SPECC1: variants seen among roughly 807,000 people sequenced by gnomAD.
SPECC1 encodes sperm antigen with calponin homology and coiled-coil domains 1, also known as cytospin-B.
Under a neutral mutation model 104.1 loss-of-function variants are expected in SPECC1, and 62 were observed. That is an observed-to-expected ratio of 0.60 (90% CI 0.49 to 0.74). The LOEUF (loss-of-function observed/expected upper bound fraction) is 0.74, where lower values mean the gene tolerates loss of function less well. SPECC1 is among the 30% of genes least tolerant of loss of function. SPECC1 has a pLI of 0.00. For synonymous variants in SPECC1, 513 were observed against 501.6 expected (o/e 1.02, Z -0.30); for missense variants, 1,306 against 1,310.5 (o/e 1.00, Z 0.05).
At chr17:20,300,584 T>C (rs2041541913) in intron 13 of SPECC1, among the ~76,000 whole-genome samples, 1 of 152,242 alleles carries the variant, frequency 6.6e-6, no homozygotes, top group Non-Finnish European at 1.5e-5. Flanking sequence ...TGGAAAATTA[T>C]GGACCTAAAA....
chr17:20,113,033 T>C (rs1272668774), intron 3 of SPECC1: 2 of 810,420 alleles, frequency 2.5e-6, no homozygotes, highest in African/African-American at 3.4e-5. Context: ...TGAAAATGTT[T>C]TCCTTATCAC....
At chr17:20,042,369 G>A (rs563069568) in intron 1 of SPECC1, among the ~76,000 whole-genome samples, 1 of 152,258 alleles carries the variant, frequency 6.6e-6, no homozygotes, top group Non-Finnish European at 1.5e-5. Flanking sequence ...GAAGAGGGAG[G>A]AAAGGTGGCC....
intron 12 of SPECC1, among the ~76,000 whole-genome samples, chr17:20,272,339 A>ATTT (rs35441010): frequency 4.0e-5 from 6 of 148,356 alleles, no homozygotes. Context: ...TTAATTTTGC[A>ATTT]TTTTTTTTTT....
intron 4 of SPECC1, among the ~76,000 whole-genome samples, chr17:20,215,042 C>A (rs1342159186): frequency 6.6e-6 from 1 of 152,254 alleles, no homozygotes; most frequent in African/African-American, 2.4e-5. Flanking sequence ...GGCCTGCAAG[C>A]CCAGGCTGCT....
Position 20,098,997 on chromosome 17 carries a change from G to A in SPECC1, c.147+2199G>A, listed in dbSNP as rs189694786. Among the ~76,000 whole-genome samples the A allele has an allele frequency of 1.8e-4, 27 of 152,284 alleles. No homozygotes were observed. In the East Asian group the frequency reaches 2.9e-3, roughly 16 times the overall value. On this transcript the variant is annotated intron_variant, in intron 2 of 14. Transcript: ENST00000395527. ...GATGGAACAAGAGGAGCTTGGGGGC[G>A]TGGGGCTGGCCTGAGTTGGAATCCT...
intron 12 of SPECC1, among the ~76,000 whole-genome samples, chr17:20,264,470 T>G (rs1332986827): frequency 4.0e-4 from 51 of 126,274 alleles, no homozygotes; most frequent in African/African-American, 1.5e-3. Context: ...TTTTTTTTTT[T>G]TTTTTTTTTT....
chr17:20,093,891 C>T (rs944826136), intron 1 of SPECC1, among the ~76,000 whole-genome samples: 3 of 151,640 alleles, frequency 2.0e-5, no homozygotes, highest in South Asian at 2.1e-4. Context: ...TCACCACGTC[C>T]CCCTAATTTT....
chr17:20,302,430 G>C (rs1480027971), intron 13 of SPECC1, among the ~76,000 whole-genome samples: 2 of 152,164 alleles, frequency 1.3e-5, no homozygotes, highest in East Asian at 3.9e-4. Context: ...CTGCTTGTCT[G>C]TGGCTTCTGC....
At chr17:20,105,847 C>A (rs2048175656) in intron 2 of SPECC1, among the ~76,000 whole-genome samples, 1 of 152,206 alleles carries the variant, frequency 6.6e-6, no homozygotes, top group Non-Finnish European at 1.5e-5. Context: ...GCAAGCTCTA[C>A]CTCTGCTGCT....
chr17:20,239,231 T>C, intron 7 of SPECC1: 1 of 1,016,836 alleles, frequency 9.8e-7, no homozygotes, highest in Non-Finnish European at 1.2e-6. Flanking sequence ...TATTGGATTT[T>C]TTCTTAATTA....
At chr17:20,306,375 A>G (rs1234369510) in intron 14 of SPECC1, among the ~76,000 whole-genome samples, 1 of 152,234 alleles carries the variant, frequency 6.6e-6, no homozygotes, top group East Asian at 1.9e-4. Flanking sequence ...ATAAAATGCT[A>G]TGTTAAAAAA....
At chr17:20,076,570 C>T (rs1234001678) in intron 1 of SPECC1, among the ~76,000 whole-genome samples, 2 of 152,068 alleles carry the variant, frequency 1.3e-5, no homozygotes, top group Non-Finnish European at 2.9e-5. Context: ...TTAACTATTC[C>T]CTGTTTTTTA....
intron 1 of SPECC1, among the ~76,000 whole-genome samples, chr17:20,072,248 A>AC (rs2046584424): frequency 1.3e-5 from 2 of 152,196 alleles, no homozygotes; most frequent in South Asian, 4.1e-4. Context: ...ACATCATTGG[A>AC]CCTCATGGTC....
rs534235054 is a variant in SPECC1, at chr17:20,260,294, G to A, written c.2940G>A (p.Ala980=). Residue 980 remains alanine (A), a splice_region_variant and synonymous_variant, in exon 12 of 15, where the codon GCG becomes GCA. Coordinates refer to ENST00000395527, the MANE Select transcript of SPECC1 (RefSeq NM_001243439.2). ...GCCAGAAGAAGACACAAGGTTATGC[G>A]GTAAGGGACAACATCAGCCAACTTC... ...KWCQKKTQGY[A]NIDITNFSSS... 6.4e-5 allele frequency: 104 copies of A among 1,613,324 alleles called. No homozygotes were observed. In the South Asian group the frequency reaches 7.3e-4, roughly 11 times the overall value.
intron 12 of SPECC1, among the ~76,000 whole-genome samples, chr17:20,279,592 G>T (rs1395972746): frequency 1.3e-5 from 2 of 152,154 alleles, no homozygotes; most frequent in Non-Finnish European, 2.9e-5. Context: ...AAAGTGTTGG[G>T]ATTACAGGTA....
At chr17:20,248,973 T>C (rs1455483408) in intron 9 of SPECC1, among the ~76,000 whole-genome samples, 1 of 152,188 alleles carries the variant, frequency 6.6e-6, no homozygotes, top group Non-Finnish European at 1.5e-5. Flanking sequence ...TTAAAACCCA[T>C]AGAAACATGG....
rs780424477 is a variant in SPECC1, at chr17:20,297,011, C to G, written c.2991C>G (p.Phe997Leu). The change falls in exon 13 of 15, where the codon TTC becomes TTG. Residue 997 changes from phenylalanine to leucine, a missense_variant. Phe to Leu is a conservative substitution (Grantham distance 22). Transcript: ENST00000395527. Reference sequence around the variant, plus strand: ...GCAGCTGGAGCGATGGCCTGGCCTTCTGTGCTCTGCTCCACACCTACCTGC... The same window carrying G: ...GCAGCTGGAGCGATGGCCTGGCCTTGTGTGCTCTGCTCCACACCTACCTGC... ...FSSSWSDGLA[F>L]CALLHTYLPA... The G allele has an allele frequency of 2.5e-6, 4 of 1,614,090 alleles. No individual in the cohort carries two copies. The East Asian group carries it at 6.7e-5, about 27-fold the overall frequency.
chr17:20,088,719 G>A lies in SPECC1; in HGVS notation c.-21-7912G>A, dbSNP rs1440651280. Among the ~76,000 whole-genome samples the A allele has an allele frequency of 1.3e-5, 2 of 152,160 alleles. 1 individual carries two copies. Among genetic ancestry groups the A allele is most frequent in the Non-Finnish European group, 2.9e-5 (2 of 68,028 alleles). ...GGTCAGCGTGGCTCAGCCGAGCTCA[G>A]GCAAGCCGTCATTTAATTTGGTGGA... On this transcript the variant is annotated intron_variant, in intron 1 of 14. Coordinates refer to ENST00000395527, the MANE Select transcript of SPECC1 (RefSeq NM_001243439.2).
At chr17:20,291,939 G>A (rs1032191384) in intron 12 of SPECC1, among the ~76,000 whole-genome samples, 56 of 123,202 alleles carry the variant, frequency 4.5e-4, no homozygotes, top group African/African-American at 1.4e-3. Context: ...TCTAGTATCC[G>A]TCAGCATTGC....
Sources: gnomAD v4.1 joint callset for allele counts (sites outside exome capture counted in the v4.1 genomes callset) on GRCh38, gnomAD v4.1.1 for gene constraint, MANE v1.5 for transcripts, NCBI Gene and HGNC (gene_info 2026-07-23, HGNC 2026-07-21) for gene names.